RNFT2: variants seen among roughly 807,000 people sequenced by gnomAD.
RNFT2 encodes E3 ubiquitin-protein ligase RNFT2.
In RNFT2, 36 loss-of-function variants were observed where a neutral mutation model predicts 53.0. That is an observed-to-expected ratio of 0.68 (90% CI 0.52 to 0.90). The LOEUF is 0.90. RNFT2 is among the 40% of genes least tolerant of loss of function. RNFT2 has a pLI of 0.00. For missense variants in RNFT2, 514 were observed against 585.6 expected (o/e 0.88, Z 1.26); for synonymous variants, 260 against 253.2 (o/e 1.03, Z -0.26).
intron 7 of RNFT2, among the ~76,000 whole-genome samples, chr12:116,797,837 A>G (rs953305154): frequency 1.3e-5 from 2 of 152,208 alleles, no homozygotes; most frequent in South Asian, 4.1e-4. Flanking sequence ...ATTAAGGGGC[A>G]GTTTATGCAG....
rs192712291 is a variant in RNFT2 at position 116,784,585 on chromosome 12, G to C, written c.882+5237G>C. Among the ~76,000 whole-genome samples the C allele has an allele frequency of 3.4e-3, 516 of 152,264 alleles. 2 individuals are homozygous for C. Among genetic ancestry groups the C allele is most frequent in the Admixed American group, 5.4e-3 (82 of 15,288 alleles). On this transcript the variant is annotated intron_variant, in intron 7 of 10. Transcript: ENST00000257575. ...GACCCATTTTCAAGAAGGAACTCAG[G>C]ATCTTCCCCAAAGCCTGGGCTTCTT...
intron 7 of RNFT2, among the ~76,000 whole-genome samples, chr12:116,804,224 T>C (rs1372061215): frequency 6.6e-6 from 1 of 152,242 alleles, no homozygotes; most frequent in Non-Finnish European, 1.5e-5. Context: ...TTTTGAGGTT[T>C]GTGTGTATTC....
chr12:116,744,737 G>T (rs77631989), intron 3 of RNFT2, among the ~76,000 whole-genome samples: 6,977 of 152,258 alleles, frequency 0.046, 211 homozygotes, highest in African/African-American at 0.081. Flanking sequence ...CTGAAATCTC[G>T]GCTGGATGCA....
intron 5 of RNFT2, among the ~76,000 whole-genome samples, chr12:116,758,919 G>A (rs1375855379): frequency 2.0e-5 from 3 of 152,140 alleles, no homozygotes; most frequent in African/African-American, 7.2e-5. Context: ...TAGCAAGGCC[G>A]GGGACGTTTT....
At chr12:116,811,573 G>A (rs7960657) in intron 7 of RNFT2, among the ~76,000 whole-genome samples, 2,432 of 152,160 alleles carry the variant, frequency 0.016, 71 homozygotes, top group African/African-American at 0.055. Context: ...ACGAGTTTTC[G>A]CCATGTTGGC....
chr12:116,779,566 C>T (rs1035432792), intron 7 of RNFT2, among the ~76,000 whole-genome samples: 19 of 152,310 alleles, frequency 1.2e-4, no homozygotes, highest in African/African-American at 4.3e-4. Context: ...CCTCTACTTT[C>T]CAAGTGCATT....
At chr12:116,823,110 C>A (rs987764657) in intron 7 of RNFT2, among the ~76,000 whole-genome samples, 1 of 152,216 alleles carries the variant, frequency 6.6e-6, no homozygotes, top group Non-Finnish European at 1.5e-5. Context: ...CCAGAGCCAC[C>A]CCTGCCTTCC....
At chr12:116,810,178 A>T (rs1036573889) in intron 7 of RNFT2, among the ~76,000 whole-genome samples, 1 of 152,160 alleles carries the variant, frequency 6.6e-6, no homozygotes, top group Non-Finnish European at 1.5e-5. Context: ...TGTTGCAGGC[A>T]AGGAAGCAGT....
chr12:116,831,655 A>G (rs780671970), intron 7 of RNFT2, among the ~76,000 whole-genome samples: 22 of 152,040 alleles, frequency 1.4e-4, no homozygotes, highest in Admixed American at 2.0e-4. Context: ...TAGAGTAAAG[A>G]TTATACATAT....
chr12:116,750,172 G>T lies in RNFT2; in HGVS notation c.415G>T (p.Glu139Ter). The change falls in exon 4 of 11, where the codon GAG (glutamate) becomes TAG (stop). Residue 139 changes from glutamate (E) to a stop codon, truncating the protein, a stop_gained. Coordinates refer to ENST00000257575, the MANE Select transcript of RNFT2 (RefSeq NM_001382266.1). LOFTEE classifies it high-confidence loss of function. ...GGGTGGGGACCACCGGGGGCACTCG[G>T]AGGAGGGAGGCGACGAGCAGCCTGG... ...HVGGDHRGHSEEGGDEQPGTP... is the reference protein window; with the variant it reads ...HVGGDHRGHS The T allele has an allele frequency of 6.3e-7, 1 of 1,595,308 alleles. No homozygotes were observed.
Position 116,852,427 on chromosome 12 carries a change from T to A in RNFT2, c.*2979T>A. ...CTCTCTCCTGGTACCCAGCAAGACG[T>A]CTGTTCCAGGGCAGTGTAGCATCTT... On this transcript the variant is annotated 3_prime_UTR_variant, in exon 11 of 11. Transcript: ENST00000257575. 1 of 1,381,056 alleles carries A rather than the reference T, an allele frequency of 7.2e-7. No individual in the cohort carries two copies. The highest frequency in any genetic ancestry group is 9.4e-7 in the Non-Finnish European group (1 of 1,066,428). The allele number at this position is 1,381,056 out of a possible 1,614,324, so 85.6% of individuals were successfully genotyped here. A position where few individuals can be genotyped will look rare whatever the true frequency, so the allele number is the denominator to read the frequency against.
At chr12:116,805,538 A>T (rs1325332773) in intron 7 of RNFT2, among the ~76,000 whole-genome samples, 1 of 152,112 alleles carries the variant, frequency 6.6e-6, no homozygotes, top group Non-Finnish European at 1.5e-5. Flanking sequence ...GCAGTGGCGC[A>T]ATCTCAGCTC....
chr12:116,792,647 A>G (rs1874307400), intron 7 of RNFT2, among the ~76,000 whole-genome samples: 1 of 152,124 alleles, frequency 6.6e-6, no homozygotes, highest in Admixed American at 6.5e-5. Context: ...TGATGTGAAT[A>G]GTCTTCCCCA....
At chr12:116,792,432 A>C (rs1157114536) in intron 7 of RNFT2, among the ~76,000 whole-genome samples, 1 of 152,124 alleles carries the variant, frequency 6.6e-6, no homozygotes, top group Non-Finnish European at 1.5e-5. Flanking sequence ...GGCCAGAGCT[A>C]CCTCACTTCC....
At position 116,850,321 on chromosome 12, in the gene RNFT2, AT is replaced by A. The variant is rs34116756; in HGVS notation, c.*888del. On this transcript the variant is annotated 3_prime_UTR_variant, in exon 11 of 11. Coordinates refer to ENST00000257575, the MANE Select transcript of RNFT2 (RefSeq NM_001382266.1). Reference sequence around the variant, plus strand: ...AGGTGTGTGCCACCAGGCCTGGCTAATTTTTTTTTTTTTTTAATTTTTAGTA... The same window carrying A: ...AGGTGTGTGCCACCAGGCCTGGCTAATTTTTTTTTTTTTTAATTTTTAGTA... 127,608 of 145,686 alleles carry A rather than the reference AT, an allele frequency of 0.88. 55,956 individuals carry two copies. The highest frequency in any genetic ancestry group is 0.92 in the Admixed American group (13,441 of 14,622). 9.0% of individuals were successfully genotyped at this position (145,686 alleles called of 1,614,324 possible).
rs370637465 is a variant in RNFT2 at position 116,849,309 on chromosome 12, C to T, written c.1201-5C>T. ...CCTGGTGCCTGCTGATTGCTGTCCC[C>T]GCAGCACGTGTTCTGTGAGGAGTGC... is the stretch of plus-strand genomic sequence containing the variant. On this transcript the variant is annotated splice_polypyrimidine_tract_variant and splice_region_variant and intron_variant, in intron 10 of 10. Transcript: ENST00000257575. 58 of 1,535,336 alleles carry T rather than the reference C, an allele frequency of 3.8e-5. No individual in the cohort carries two copies. In the East Asian group the frequency reaches 7.6e-4, roughly 20 times the overall value.
At position 116,852,983 on chromosome 12, in the gene RNFT2, CAT is replaced by C. The variant is rs940820101; in HGVS notation, c.*3536_*3537del. 1.1e-4 allele frequency: 58 copies of C among 521,086 alleles called. No homozygotes were observed. The highest frequency in any genetic ancestry group is 8.0e-4 in the African/African-American group (42 of 52,192). The allele number at this position is 521,086 out of a possible 1,614,324, so 32.3% of individuals were successfully genotyped here. ...CCTGTTAACACTGTAAAGAATGTAA[CAT>C]GTGGGGGACACACAGGGGCAGATGG... On this transcript the variant is annotated 3_prime_UTR_variant, in exon 11 of 11. Coordinates refer to ENST00000257575, the MANE Select transcript of RNFT2 (RefSeq NM_001382266.1).
At chr12:116,748,417 G>A (rs929352021) in intron 3 of RNFT2, among the ~76,000 whole-genome samples, 3 of 152,192 alleles carry the variant, frequency 2.0e-5, no homozygotes, top group African/African-American at 7.2e-5. Context: ...ATATGGCACT[G>A]CAGGTCTTCC....
At chr12:116,835,220 A>G (rs1876898161) in intron 8 of RNFT2, among the ~76,000 whole-genome samples, 1 of 152,176 alleles carries the variant, frequency 6.6e-6, no homozygotes. Flanking sequence ...TACTTGCCCA[A>G]GGTCACTCAG....
Sources: allele counts gnomAD v4.1 joint callset (sites outside exome capture counted in the v4.1 genomes callset), GRCh38; gene constraint gnomAD v4.1.1; transcripts MANE v1.5; gene names NCBI Gene and HGNC (gene_info 2026-07-23, HGNC 2026-07-21).